Variants in TGIF1 observed in about 807,000 individuals in gnomAD.
The protein encoded by TGIF1 is homeobox protein TGIF1.
In TGIF1, 4 loss-of-function variants were observed where a neutral mutation model predicts 19.3. The ratio of observed to expected loss-of-function variants is 0.21; its 90% CI spans 0.10 to 0.47. TGIF1 has a LOEUF of 0.47. TGIF1 is among the 20% of genes least tolerant of loss of function. The pLI, the probability that TGIF1 is intolerant of heterozygous loss-of-function variation, is 0.98. For synonymous variants in TGIF1, 122 were observed against 129.3 expected (o/e 0.94, Z 0.38); for missense variants, 275 against 341.4 (o/e 0.81, Z 1.53).
rs778283928 is a variant in TGIF1 at position 3,456,235 on chromosome 18, T to C, written c.17-119T>C. The C allele has an allele frequency of 1.2e-5, 12 of 994,670 alleles. No individual in the cohort carries two copies. Among genetic ancestry groups the C allele is most frequent in the Admixed American group, 1.7e-5 (1 of 59,270 alleles). 61.6% of individuals were successfully genotyped at this position (994,670 alleles called of 1,614,324 possible). On this transcript the variant is annotated intron_variant, in intron 1 of 2. Transcript: ENST00000343820. This position sits in a 1 kb window ranked among gnomAD's most constrained non-coding sequence, Gnocchi z 4.2. ...ATTCAGGACAGAAAACACTGCTCCT[T>C]CTCCTCGCTCTCAGTTGTTGGGAAA...
intron 1 of TGIF1, among the ~76,000 whole-genome samples, chr18:3,414,583 C>G (rs1044162150): frequency 2.6e-5 from 4 of 152,186 alleles, no homozygotes; most frequent in Admixed American, 2.0e-4. Flanking sequence ...TGGCTCTACC[C>G]AGTGAACTTA....
intron 1 of TGIF1, chr18:3,415,510 A>G (rs1253811944): frequency 2.2e-6 from 1 of 456,124 alleles, no homozygotes; most frequent in African/African-American, 2.0e-5. Context: ...TGCCCAGAAG[A>G]CAGCAATGGT....
At chr18:3,428,887 A>G (rs1207553564) in intron 2 of TGIF1, among the ~76,000 whole-genome samples, 2 of 152,102 alleles carry the variant, frequency 1.3e-5, no homozygotes, top group Non-Finnish European at 2.9e-5. Context: ...ACTAAAATAC[A>G]GAAATAAAAA....
chr18:3,450,106 G>C, upstream of TGIF1: 5 of 1,064,258 alleles, frequency 4.7e-6, no homozygotes, highest in Non-Finnish European at 5.7e-6. Flanking sequence ...CGGGGCGGGA[G>C]GGGGACGGGG....
intron 2 of TGIF1, among the ~76,000 whole-genome samples, chr18:3,430,161 A>G (rs908794047): frequency 9.9e-5 from 15 of 152,218 alleles, no homozygotes; most frequent in Non-Finnish European, 1.9e-4. Flanking sequence ...TCAACAAAAG[A>G]GAAAAGACTG....
Position 3,457,267 on chromosome 18 carries a change from T to G in TGIF1, c.244-98T>G. The G allele has an allele frequency of 7.9e-7, 1 of 1,270,114 alleles. No individual in the cohort carries two copies. Among genetic ancestry groups the G allele is most frequent in the Non-Finnish European group, 1.1e-6 (1 of 891,146 alleles). 78.7% of individuals were successfully genotyped at this position (1,270,114 alleles called of 1,614,324 possible). ...TAAGGCTTTTCATGCTTTCTTTAAT[T>G]CAGAGAGCAAGATCAATTAGGTACC... On this transcript the variant is annotated intron_variant, in intron 2 of 2. Coordinates refer to ENST00000343820, the MANE Select transcript of TGIF1 (RefSeq NM_003244.4). The surrounding 1 kb of genome is among the most constrained non-coding windows in gnomAD (Gnocchi z 4.9).
At position 3,451,953 on chromosome 18, in the gene TGIF1, A is replaced by G. The variant is rs2082957261; in HGVS notation, c.16+1448A>G. ...GTCTGTTGTGGTGGGCCTCCCGGGA[A>G]TAAGTGAGGGGCTCTGTGTTTCGAG... On this transcript the variant is annotated intron_variant, in intron 1 of 2. Coordinates refer to ENST00000343820, the MANE Select transcript of TGIF1 (RefSeq NM_003244.4). This position sits in a 1 kb window ranked among gnomAD's most constrained non-coding sequence, Gnocchi z 5.4. 3.2e-6 allele frequency: 5 copies of G among 1,553,718 alleles called. No homozygotes were observed. Among genetic ancestry groups the G allele is most frequent in the Non-Finnish European group, 4.4e-6 (5 of 1,147,740 alleles).
intron 1 of TGIF1, among the ~76,000 whole-genome samples, chr18:3,413,728 A>T (rs9945219): frequency 0.74 from 112,018 of 151,336 alleles, 41,635 homozygotes; most frequent in African/African-American, 0.8. Flanking sequence ...TTAAAAAAAA[A>T]TTTTTTTCTG....
At chr18:3,442,215 C>G (rs75539897) in intron 2 of TGIF1, among the ~76,000 whole-genome samples, 7,456 of 152,130 alleles carry the variant, frequency 0.049, 277 homozygotes, top group Non-Finnish European at 0.067. Context: ...AAATTTCTGT[C>G]AATTTTATTC....
Position 3,456,553 on chromosome 18 carries a change from C to G in TGIF1, c.216C>G (p.Ser72=), listed in dbSNP as rs1455956172. The G allele has an allele frequency of 6.2e-7, 1 of 1,614,058 alleles. No individual in the cohort carries two copies. Among genetic ancestry groups the G allele is most frequent in the Non-Finnish European group, 8.5e-7 (1 of 1,180,028 alleles). ...CAGAGCAAGAAAAAGCGTTGCTGTC[C>G]CAGCAAACACACCTGTCTACGCTAC... ...YPSEQEKALL[S]QQTHLSTLQV... is the part of the protein sequence containing the mutation. The change falls in exon 2 of 3, where the codon TCC becomes TCG. Residue 72 remains serine, a synonymous_variant. Coordinates refer to ENST00000343820, the MANE Select transcript of TGIF1 (RefSeq NM_003244.4). The surrounding 1 kb of genome is among the most constrained non-coding windows in gnomAD (Gnocchi z 4.2).
At chr18:3,454,540 G>C (rs1309005990) in intron 1 of TGIF1, among the ~76,000 whole-genome samples, 2 of 152,108 alleles carry the variant, frequency 1.3e-5, no homozygotes, top group African/African-American at 4.8e-5. Flanking sequence ...GCCAATGTGA[G>C]ACAGGAACTC....
chr18:3,441,742 A>T (rs2082679343), intron 2 of TGIF1, among the ~76,000 whole-genome samples: 1 of 152,186 alleles, frequency 6.6e-6, no homozygotes, highest in South Asian at 2.1e-4. Flanking sequence ...GAAGGTAGTC[A>T]ATTATCCCAA....
At chr18:3,449,538 TCCCCCCCGCCC>T (rs2082831296), upstream of TGIF1, 3 of 963,130 alleles carry the variant, frequency 3.1e-6, no homozygotes, top group South Asian at 1.5e-4. Flanking sequence ...GTCTCATCAT[TCCCCCCCGCCC>T]CACCCCCGCC....
At chr18:3,449,424 G>A (rs889650371), upstream of TGIF1, 11 of 985,420 alleles carry the variant, frequency 1.1e-5, no homozygotes, top group South Asian at 3.8e-4. Context: ...GCATGTGAGC[G>A]TGACAAGTGT....
chr18:3,416,255 C>T (rs2082330544), intron 1 of TGIF1, among the ~76,000 whole-genome samples: 1 of 152,232 alleles, frequency 6.6e-6, no homozygotes, highest in Non-Finnish European at 1.5e-5. Context: ...CACAGTGGCT[C>T]ATGCCTGTGA....
At chr18:3,447,601 T>A, upstream of TGIF1, 1 of 966,842 alleles carries the variant, frequency 1.0e-6, no homozygotes, top group Non-Finnish European at 1.7e-6. Flanking sequence ...TCCAAACAAG[T>A]TTGAGATCAG....
intron 1 of TGIF1, chr18:3,455,584 G>T (rs1476377558): frequency 1.3e-5 from 2 of 151,662 alleles, no homozygotes; most frequent in Non-Finnish European, 2.9e-5. Flanking sequence ...TTAGTATTAG[G>T]CATCTTTTGA....
chr18:3,458,406 T>TA lies in TGIF1; in HGVS notation c.*471dup, dbSNP rs1368205734. The TA allele has an allele frequency of 1.2e-5, 2 of 167,490 alleles. No individual in the cohort carries two copies. The highest frequency in any genetic ancestry group is 2.6e-5 in the Non-Finnish European group (2 of 77,248). The allele number at this position is 167,490 out of a possible 1,614,324, so 10.4% of individuals were successfully genotyped here. ...TCATGACATAATAAAGTATTTTCTT[T>TA]AAAAATTGTTGTAATTCAGAGTATT... On this transcript the variant is annotated 3_prime_UTR_variant, in exon 3 of 3. Coordinates refer to ENST00000343820, the MANE Select transcript of TGIF1 (RefSeq NM_003244.4).
intron 1 of TGIF1, chr18:3,415,350 A>G (rs1355782154): frequency 2.6e-6 from 1 of 387,112 alleles, no homozygotes; most frequent in African/African-American, 2.0e-5. Flanking sequence ...TGATGCGCAA[A>G]AGCCTATTGC....
Sources: gnomAD v4.1 joint callset for allele counts (sites outside exome capture counted in the v4.1 genomes callset) on GRCh38, gnomAD v4.1.1 for gene constraint, Gnocchi (gnomAD v3.1) non-coding constraint, MANE v1.5 for transcripts, NCBI Gene and HGNC (gene_info 2026-07-23, HGNC 2026-07-21) for gene names.